The following TRDN variants were observed in gnomAD, a reference collection of about 807,000 sequenced individuals.
The protein encoded by TRDN is triadin in skeletal muscle.
A neutral mutation model predicts 149.7 loss-of-function variants in TRDN; 161 were observed. That is an observed-to-expected ratio of 1.08 (90% CI 0.95 to 1.23). The LOEUF is 1.23. TRDN is among the 50% of genes most tolerant of loss of function. TRDN has a pLI of 0.00. For synonymous variants in TRDN, 294 were observed against 250.5 expected (o/e 1.17, Z -1.64); for missense variants, 896 against 823.5 (o/e 1.09, Z -1.08).
At chr6:123,623,006 C>A (rs1317008503) in intron 1 of TRDN, among the ~76,000 whole-genome samples, 1 of 152,094 alleles carries the variant, frequency 6.6e-6, no homozygotes, top group Non-Finnish European at 1.5e-5. Context: ...AGAACTGCTT[C>A]CACCTGTGCC....
intron 5 of TRDN, among the ~76,000 whole-genome samples, chr6:123,525,594 T>G (rs1244033399): frequency 6.6e-6 from 1 of 152,044 alleles, no homozygotes; most frequent in Non-Finnish European, 1.5e-5. Context: ...TTGAGTATTA[T>G]GTTGAATATT....
chr6:123,507,659 G>A (rs1778991067), intron 7 of TRDN, among the ~76,000 whole-genome samples: 1 of 151,756 alleles, frequency 6.6e-6, no homozygotes, highest in Non-Finnish European at 1.5e-5. Flanking sequence ...AATTTATTAA[G>A]GAATGAAAAA....
chr6:123,540,046 T>C (rs1780748176), intron 4 of TRDN, among the ~76,000 whole-genome samples: 1 of 152,242 alleles, frequency 6.6e-6, no homozygotes, highest in Admixed American at 6.5e-5. Context: ...GTGGCATTCC[T>C]GCTAGAATCC....
chr6:123,374,381 G>C (rs528082286), intron 19 of TRDN, among the ~76,000 whole-genome samples: 1 of 152,080 alleles, frequency 6.6e-6, no homozygotes, highest in South Asian at 2.1e-4. Flanking sequence ...TATCAGATTT[G>C]TTTGATATAT....
chr6:123,538,849 C>T (rs528270080), intron 4 of TRDN, among the ~76,000 whole-genome samples: 1 of 152,150 alleles, frequency 6.6e-6, no homozygotes, highest in East Asian at 1.9e-4. Flanking sequence ...CATTTTTTCT[C>T]TTCGAATTTT....
At chr6:123,448,933 G>A (rs1435880018) in intron 10 of TRDN, among the ~76,000 whole-genome samples, 1 of 152,068 alleles carries the variant, frequency 6.6e-6, no homozygotes, top group African/African-American at 2.4e-5. Flanking sequence ...CCCAGAGCCG[G>A]GTAGACGCGC....
Position 123,276,463 on chromosome 6 carries a change from T to C in TRDN, c.1568-1793A>G, listed in dbSNP as rs531915825. On this transcript the variant is annotated intron_variant, in intron 26 of 40. Transcript: ENST00000334268. ...GAAGGTGCAAACTGATTTCTCCTTG[T>C]TGTTTATAATAAAATGTGAAAAGAA... 2.4e-4 allele frequency among the ~76,000 whole-genome samples: 36 copies of C among 152,262 alleles called. No individual in the cohort carries two copies. In the South Asian group the frequency reaches 7.5e-3, roughly 32 times the overall value.
At chr6:123,491,796 T>C (rs1037908685) in intron 9 of TRDN, among the ~76,000 whole-genome samples, 4 of 152,168 alleles carry the variant, frequency 2.6e-5, no homozygotes, top group African/African-American at 9.6e-5. Context: ...ATGATTGGAA[T>C]TAGAGTGAAT....
intron 20 of TRDN, among the ~76,000 whole-genome samples, chr6:123,363,889 G>A (rs1780989436): frequency 6.6e-6 from 1 of 152,164 alleles, no homozygotes; most frequent in Non-Finnish European, 1.5e-5. Context: ...AGGTTTCTCT[G>A]TACATAGTGA....
At chr6:123,283,256 T>C (rs1777646488) in intron 24 of TRDN, among the ~76,000 whole-genome samples, 2 of 151,934 alleles carry the variant, frequency 1.3e-5, no homozygotes, top group South Asian at 4.1e-4. Flanking sequence ...ATTTAAAAAT[T>C]CTTTGAACTC....
At chr6:123,529,253 G>T in intron 5 of TRDN, 1 of 1,548,930 alleles carries the variant, frequency 6.5e-7, no homozygotes, top group African/African-American at 1.4e-5. Context: ...TTCAGTCATG[G>T]TTCGCTTAGT....
intron 1 of TRDN, among the ~76,000 whole-genome samples, chr6:123,576,238 C>A (rs1205840118): frequency 1.3e-5 from 2 of 152,020 alleles, no homozygotes; most frequent in African/African-American, 2.4e-5. Context: ...GACATTTGGG[C>A]AGATAAAGCT....
rs959045765 is a variant in TRDN at position 123,352,273 on chromosome 6, A to G, written c.1369+266T>C. On this transcript the variant is annotated intron_variant, in intron 21 of 40. Transcript: ENST00000334268. ...CTGGATCATTGTCTTATTCCCAGCA[A>G]TCTTCAGCATGTCCCCTGATGTAAT... The G allele has an allele frequency of 7.1e-6, 7 of 984,926 alleles. No individual in the cohort carries two copies. The South Asian group carries it at 1.9e-4, about 26-fold the overall frequency. The allele number at this position is 984,926 out of a possible 1,614,324, so 61.0% of individuals were successfully genotyped here.
In TRDN at chr6:123,601,244, T is replaced by C. The variant is rs374662878; in HGVS notation, c.23-30112A>G. Among the ~76,000 whole-genome samples the C allele has an allele frequency of 1.5e-3, 235 of 152,242 alleles. 1 individual carries two copies. Among genetic ancestry groups the C allele is most frequent in the African/African-American group, 5.4e-3 (224 of 41,560 alleles). On this transcript the variant is annotated intron_variant, in intron 1 of 40. Coordinates refer to ENST00000334268, the MANE Select transcript of TRDN (RefSeq NM_006073.4). ...ACAGCAGAGATAGAATTTAAGTAGG[T>C]AACAAAATGTCCTGCATTGACAAGT...
intron 10 of TRDN, among the ~76,000 whole-genome samples, chr6:123,441,323 C>A (rs1774871414): frequency 6.6e-6 from 1 of 152,138 alleles, no homozygotes; most frequent in African/African-American, 2.4e-5. Context: ...TTTGAACACA[C>A]ATAAAAAATT....
intron 2 of TRDN, among the ~76,000 whole-genome samples, chr6:123,569,651 G>A (rs1782461156): frequency 6.6e-6 from 1 of 152,154 alleles, no homozygotes. Context: ...CAGGAAGCTT[G>A]CAATAATGGT....
At chr6:123,460,461 G>A (rs1227730398) in intron 10 of TRDN, among the ~76,000 whole-genome samples, 2 of 151,992 alleles carry the variant, frequency 1.3e-5, no homozygotes, top group Admixed American at 1.3e-4. Context: ...AAGTAGTTTG[G>A]TTTATATATT....
At chr6:123,219,730 A>C (rs1008153136) in intron 40 of TRDN, among the ~76,000 whole-genome samples, 2 of 151,824 alleles carry the variant, frequency 1.3e-5, no homozygotes, top group Non-Finnish European at 2.9e-5. Flanking sequence ...CTCATCTGGA[A>C]TGATTTCTCT....
At chr6:123,334,942 A>C (rs182862183) in intron 22 of TRDN, among the ~76,000 whole-genome samples, 1 of 152,120 alleles carries the variant, frequency 6.6e-6, no homozygotes, top group Admixed American at 6.6e-5. Flanking sequence ...AATGTAGGTA[A>C]TCTCTTAGTG....
Sources: allele counts gnomAD v4.1 joint callset (sites outside exome capture counted in the v4.1 genomes callset), GRCh38; gene constraint gnomAD v4.1.1; transcripts MANE v1.5; gene names NCBI Gene and HGNC (gene_info 2026-07-23, HGNC 2026-07-21).